Variants in DLG2 observed in about 807,000 individuals in gnomAD.
DLG2 encodes discs large MAGUK scaffold protein 2, also known as disks large homolog 2.
A neutral mutation model predicts 132.5 loss-of-function variants in DLG2; 45 were observed. The observed-to-expected ratio is 0.34, with a 90% CI of 0.27 to 0.44. The LOEUF (loss-of-function observed/expected upper bound fraction) is 0.44. DLG2 is among the 20% of genes least tolerant of loss of function. The probability of loss-of-function intolerance (pLI) is 1.00; values close to 1 mark genes in which losing one functional copy is unlikely to be tolerated. For synonymous variants in DLG2, 424 were observed against 419.6 expected, an observed-to-expected ratio of 1.01 and a Z score of -0.13; for missense variants, 1,045 against 1,196.9, an observed-to-expected ratio of 0.87 and a Z score of 1.87.
intron 6 of DLG2, among the ~76,000 whole-genome samples, chr11:84,736,725 G>A (rs917935337): frequency 6.6e-6 from 1 of 151,766 alleles, no homozygotes; most frequent in Non-Finnish European, 1.5e-5. Context: ...TACAAAGTTT[G>A]TATATTGTCC....
At chr11:83,668,216 A>C (rs2076073691) in intron 18 of DLG2, among the ~76,000 whole-genome samples, 2 of 152,250 alleles carry the variant, frequency 1.3e-5, no homozygotes, top group South Asian at 4.2e-4. Context: ...ATTTATGTAG[A>C]AACAAGGTAG....
At chr11:84,901,549 A>C (rs2090888344) in intron 6 of DLG2, among the ~76,000 whole-genome samples, 1 of 115,630 alleles carries the variant, frequency 8.6e-6, no homozygotes, top group Non-Finnish European at 2.1e-5. Context: ...AAGTTAATTA[A>C]TCTTAAACTC....
Position 83,455,537 on chromosome 11 carries a change from AGAT to A in DLG2, c.*4278_*4280del, listed in dbSNP as rs760882892. The A allele has an allele frequency of 1.3e-5, 2 of 152,660 alleles. No homozygotes were observed. The highest frequency in any genetic ancestry group is 2.9e-5 in the Non-Finnish European group (2 of 68,044). 9.5% of individuals were successfully genotyped at this position (152,660 alleles called of 1,614,324 possible). On this transcript the variant is annotated 3_prime_UTR_variant, in exon 28 of 28. Transcript: ENST00000376104. The stretch of plus-strand genomic sequence containing the variant: ...TTGCTAGGGAGATACTATACTCTTT[AGAT>A]GATCTTTGTCTAAATTGTCCGCCTG...
chr11:84,186,208 T>C lies in DLG2; in HGVS notation c.574-22697A>G, dbSNP rs189261462. ...TTTTCAAATGTGTAAATGAATGTTT[T>C]TCATCAGGTTTTGGAAATTTGGGTC... On this transcript the variant is annotated intron_variant, in intron 8 of 27. Coordinates refer to ENST00000376104, the MANE Select transcript of DLG2 (RefSeq NM_001142699.3). 2.3e-3 allele frequency among the ~76,000 whole-genome samples: 349 copies of C among 152,286 alleles called. 2 individuals carry two copies. Among genetic ancestry groups the C allele is most frequent in the African/African-American group, 8.2e-3 (340 of 41,574 alleles).
At chr11:84,393,335 G>A (rs546504174) in intron 7 of DLG2, among the ~76,000 whole-genome samples, 2 of 152,238 alleles carry the variant, frequency 1.3e-5, no homozygotes, top group East Asian at 3.9e-4. Context: ...ATATAGAAGA[G>A]TATATAAAAT....
At chr11:84,474,202 A>G (rs1243200041) in intron 7 of DLG2, among the ~76,000 whole-genome samples, 1 of 152,030 alleles carries the variant, frequency 6.6e-6, no homozygotes, top group Non-Finnish European at 1.5e-5. Flanking sequence ...CTTATTATAA[A>G]CAGTGCCAGG....
At chr11:84,627,534 G>T (rs975440464) in intron 6 of DLG2, among the ~76,000 whole-genome samples, 1 of 152,168 alleles carries the variant, frequency 6.6e-6, no homozygotes, top group Non-Finnish European at 1.5e-5. Flanking sequence ...TTTCAGCAAA[G>T]GCTTGTACCC....
At chr11:83,648,285 C>T (rs2068886059) in intron 18 of DLG2, among the ~76,000 whole-genome samples, 1 of 152,200 alleles carries the variant, frequency 6.6e-6, no homozygotes, top group African/African-American at 2.4e-5. Flanking sequence ...ACACCTAGAC[C>T]TAATCTTAGA....
At chr11:84,975,747 A>G (rs1162175037) in intron 6 of DLG2, among the ~76,000 whole-genome samples, 1 of 152,224 alleles carries the variant, frequency 6.6e-6, no homozygotes, top group Admixed American at 6.5e-5. Flanking sequence ...TACTCTGAAA[A>G]TATACAAAGT....
chr11:84,983,496 A>C (rs2056060077), intron 6 of DLG2, among the ~76,000 whole-genome samples: 1 of 152,174 alleles, frequency 6.6e-6, no homozygotes, highest in Admixed American at 6.5e-5. Context: ...TCTGAACAGC[A>C]GCCTTGAGCC....
intron 3 of DLG2, among the ~76,000 whole-genome samples, chr11:85,345,415 T>C (rs1042454771): frequency 1.3e-5 from 2 of 152,126 alleles, no homozygotes; most frequent in African/African-American, 4.8e-5. Context: ...AATTTACACA[T>C]TGTTGAACCA....
intron 19 of DLG2, among the ~76,000 whole-genome samples, chr11:83,561,291 G>A (rs1390895923): frequency 1.3e-5 from 2 of 152,144 alleles, no homozygotes; most frequent in Admixed American, 6.5e-5. Context: ...CACCATATAT[G>A]AATACCCCTT....
At chr11:84,474,237 T>A (rs1313709011) in intron 7 of DLG2, among the ~76,000 whole-genome samples, 1 of 152,102 alleles carries the variant, frequency 6.6e-6, no homozygotes, top group Non-Finnish European at 1.5e-5. Flanking sequence ...GACAAACATG[T>A]ATGTGTTCCT....
intron 6 of DLG2, among the ~76,000 whole-genome samples, chr11:84,760,784 T>C (rs2067516372): frequency 6.6e-6 from 1 of 151,996 alleles, no homozygotes; most frequent in Non-Finnish European, 1.5e-5. Context: ...CCAGCAAAGG[T>C]GGAATGATGT....
In DLG2 at chr11:83,689,166, G is replaced by A. The variant is rs562587285; in HGVS notation, c.1826-55841C>T. ...GAGAGCAATGGCATCTAATAACTCA[G>A]TCTGGAGACTGAGGTCATGAAGGCT... On this transcript the variant is annotated intron_variant, in intron 18 of 27. Coordinates refer to ENST00000376104, the MANE Select transcript of DLG2 (RefSeq NM_001142699.3). 5.9e-5 allele frequency among the ~76,000 whole-genome samples: 9 copies of A among 152,222 alleles called. No individual in the cohort carries two copies. In the South Asian group the frequency reaches 1.9e-3, roughly 32 times the overall value.
intron 4 of DLG2, among the ~76,000 whole-genome samples, chr11:85,175,335 G>A (rs1279572979): frequency 1.3e-5 from 2 of 151,956 alleles, no homozygotes; most frequent in African/African-American, 4.8e-5. Flanking sequence ...CAATAAATGT[G>A]ATTCATCACA....
At chr11:85,383,459 T>C (rs568787758) in intron 3 of DLG2, among the ~76,000 whole-genome samples, 2 of 152,278 alleles carry the variant, frequency 1.3e-5, no homozygotes, top group Non-Finnish European at 2.9e-5. Context: ...AATGTTATGG[T>C]ATATGAATCA....
intron 17 of DLG2, among the ~76,000 whole-genome samples, chr11:83,804,250 A>G (rs532469267): frequency 2.5e-4 from 38 of 152,232 alleles, no homozygotes; most frequent in Non-Finnish European, 5.3e-4. Context: ...AGAGGAGGAG[A>G]TCTGAATAAA....
intron 6 of DLG2, among the ~76,000 whole-genome samples, chr11:85,052,857 A>T (rs1041407980): frequency 2.0e-5 from 3 of 152,204 alleles, no homozygotes; most frequent in African/African-American, 7.2e-5. Context: ...GAAATTCTTC[A>T]GACCCTCCTC....
Sources: allele counts gnomAD v4.1 joint callset (sites outside exome capture counted in the v4.1 genomes callset), GRCh38; gene constraint gnomAD v4.1.1; transcripts MANE v1.5; gene names NCBI Gene and HGNC (gene_info 2026-07-23, HGNC 2026-07-21).